The following MIA2 variants were observed in gnomAD, a reference collection of about 807,000 sequenced individuals.
The protein encoded by MIA2 is MIA SH3 domain ER export factor 2, also known as melanoma inhibitory activity protein 2.
In MIA2, 127 loss-of-function variants were observed where a neutral mutation model predicts 167.8. The ratio of observed to expected loss-of-function variants is 0.76; its 90% CI spans 0.66 to 0.88. The LOEUF (loss-of-function observed/expected upper bound fraction) is 0.88, where lower values mean the gene tolerates loss of function less well. MIA2 is among the 40% of genes least tolerant of loss of function. MIA2 has a pLI of 0.00. For missense variants in MIA2, 1,690 were observed against 1,624.7 expected (o/e 1.04, Z -0.69); for synonymous variants, 552 against 541.9 (o/e 1.02, Z -0.26).
chr14:39,348,992 A>G lies in MIA2; in HGVS notation c.4072+15A>G. The stretch of plus-strand genomic sequence containing the variant: ...TCCATTTGCAAGTATGCTTTTTTAA[A>G]CTTTTTTTTTAAAGCTCAATATGTG... On this transcript the variant is annotated intron_variant, in intron 28 of 28. Transcript: ENST00000640607. 6.2e-7 allele frequency: 1 copy of G among 1,605,550 alleles called. No individual in the cohort carries two copies. The highest frequency in any genetic ancestry group is 8.5e-7 in the Non-Finnish European group (1 of 1,172,818).
rs754585919 is a variant in MIA2, at chr14:39,300,017, G to T, written c.2619+31G>T. 8 of 1,574,956 alleles carry T rather than the reference G, an allele frequency of 5.1e-6. No homozygotes were observed. The African/African-American group carries it at 1.1e-4, about 22-fold the overall frequency. Reference sequence around the variant, plus strand: ...TGGCTCTACTGGTTTTAGTGATCAAGTTGGCTAGAATTTTACACTAACTCT... The same window carrying T: ...TGGCTCTACTGGTTTTAGTGATCAATTTGGCTAGAATTTTACACTAACTCT... On this transcript the variant is annotated intron_variant, in intron 14 of 28. Transcript: ENST00000640607.
At chr14:39,359,992 G>GTTTTTTTTTTTT (rs58076493) in intron 23 of MIA2, among the ~76,000 whole-genome samples, 10 of 128,816 alleles carry the variant, frequency 7.8e-5, no homozygotes, top group Admixed American at 8.1e-5. Flanking sequence ...TCTGCAGCAT[G>GTTTTTTTTTTTT]TTTTTTTTTT....
intron 9 of MIA2, among the ~76,000 whole-genome samples, chr14:39,289,699 C>A (rs1396655491): frequency 6.6e-6 from 1 of 152,074 alleles, no homozygotes. Flanking sequence ...CCCAGGCTGG[C>A]CTTGAACTCT....
chr14:39,387,013 G>T, exon 24 of MIA2: 1 of 746,492 alleles, frequency 1.3e-6, no homozygotes, highest in South Asian at 1.6e-5. Context: ...TGTTCAAGTG[G>T]AACAGAAGCC....
chr14:39,320,620 A>G (rs948796943), intron 23 of MIA2, among the ~76,000 whole-genome samples: 3 of 152,196 alleles, frequency 2.0e-5, no homozygotes, highest in East Asian at 1.9e-4. Context: ...TTATGCTCCT[A>G]TAACTCTAAG....
intron 21 of MIA2, among the ~76,000 whole-genome samples, 176 bp from the exon 22 acceptor site, chr14:39,317,768 G>A (rs745712594): frequency 6.6e-6 from 1 of 152,098 alleles, no homozygotes; most frequent in African/African-American, 2.4e-5. Flanking sequence ...TAGAAATTCT[G>A]ATCTTTCAGA....
At chr14:39,383,991 G>A (rs1595971264) in intron 23 of MIA2, among the ~76,000 whole-genome samples, 2 of 152,308 alleles carry the variant, frequency 1.3e-5, no homozygotes, top group South Asian at 2.1e-4. Context: ...TATCCAGAAC[G>A]TCTAGCTAAG....
intron 17 of MIA2, among the ~76,000 whole-genome samples, chr14:39,306,090 C>G (rs1278610197): frequency 6.6e-6 from 1 of 151,822 alleles, no homozygotes; most frequent in Non-Finnish European, 1.5e-5. Context: ...GGCTTAAAGC[C>G]TAGGTCAATG....
At chr14:39,311,462 GTTGCTTT>G (rs1320087383) in intron 18 of MIA2, among the ~76,000 whole-genome samples, 36 of 110,088 alleles carry the variant, frequency 3.3e-4, no homozygotes, top group South Asian at 1.2e-3. Context: ...AGCTTGATGT[GTTGCTTT>G]TTTTTTTTTT....
chr14:39,267,612 C>G lies in MIA2; in HGVS notation c.1888-9322C>G, dbSNP rs1003923861. On this transcript the variant is annotated intron_variant, in intron 6 of 28. Coordinates refer to ENST00000640607, the MANE Select transcript of MIA2 (RefSeq NM_001329214.4). ...CAGTAGACCGGCTTTGGGGTCTAAGCCGCCGTGGTCAGAGGTCCCGAAGCC... is the reference window on the plus strand; with the variant it reads ...CAGTAGACCGGCTTTGGGGTCTAAGGCGCCGTGGTCAGAGGTCCCGAAGCC... 1.0e-5 allele frequency: 15 copies of G among 1,475,304 alleles called. No individual in the cohort carries two copies. The Admixed American group carries it at 2.7e-4, about 26-fold the overall frequency. The allele number at this position is 1,475,304 out of a possible 1,614,324, so 91.4% of individuals were successfully genotyped here.
intron 9 of MIA2, among the ~76,000 whole-genome samples, chr14:39,290,497 A>G (rs953766929): frequency 8.5e-5 from 13 of 152,080 alleles, no homozygotes; most frequent in Non-Finnish European, 1.8e-4. Context: ...GTTGTTCCCT[A>G]CCTTTTAAAG....
chr14:39,267,543 T>G, intron 6 of MIA2: 1 of 1,611,542 alleles, frequency 6.2e-7, no homozygotes, highest in Non-Finnish European at 8.5e-7. Flanking sequence ...GCGCGATGAG[T>G]GTTACGTGGC....
chr14:39,336,146 T>C (rs1188290678), intron 25 of MIA2, among the ~76,000 whole-genome samples: 1 of 152,230 alleles, frequency 6.6e-6, no homozygotes, highest in African/African-American at 2.4e-5. Context: ...GGTCAAATGG[T>C]AGTTCTGTTT....
At chr14:39,382,523 T>C (rs541379601) in intron 23 of MIA2, among the ~76,000 whole-genome samples, 1 of 152,288 alleles carries the variant, frequency 6.6e-6, no homozygotes, top group Non-Finnish European at 1.5e-5. Flanking sequence ...AAAAGCAGGC[T>C]GGAGGGGAAA....
chr14:39,259,184 A>T (rs183520713), intron 6 of MIA2, among the ~76,000 whole-genome samples: 1 of 152,338 alleles, frequency 6.6e-6, no homozygotes, highest in Non-Finnish European at 1.5e-5. Flanking sequence ...AATCCACAGA[A>T]GCTCTGCCCA....
chr14:39,291,181 T>A, intron 10 of MIA2, 85 bp downstream of exon 10: 1 of 1,223,706 alleles, frequency 8.2e-7, no homozygotes, highest in Non-Finnish European at 1.1e-6. Flanking sequence ...TTCTGAAAAC[T>A]ATTTGAAAAA....
rs939727852 is a variant in MIA2, at chr14:39,377,529, T to A, written c.2249-9356T>A. On this transcript the variant is annotated intron_variant, in intron 23 of 23. Coordinates refer to the MIA2 transcript ENST00000341502. Reference sequence around the variant, plus strand: ...AGCCAGCAAAAATTTTAGAATTCAGTCCAAATTGTAGAAAATAATAAAAAT... The same window carrying A: ...AGCCAGCAAAAATTTTAGAATTCAGACCAAATTGTAGAAAATAATAAAAAT... Among the ~76,000 whole-genome samples the A allele has an allele frequency of 2.6e-5, 4 of 152,126 alleles. No homozygotes were observed. The East Asian group carries it at 5.8e-4, about 22-fold the overall frequency.
chr14:39,252,741 T>G lies in MIA2; in HGVS notation c.1568-7T>G, dbSNP rs2054637491. On this transcript the variant is annotated splice_polypyrimidine_tract_variant and splice_region_variant and intron_variant, in intron 4 of 28. Coordinates refer to ENST00000640607, the MANE Select transcript of MIA2 (RefSeq NM_001329214.4). Reference sequence around the variant, plus strand: ...GGAAAAACACATTTCTTTTTATTTATTTGTAGATATGGTCTCTAACATAGA... The same window carrying G: ...GGAAAAACACATTTCTTTTTATTTAGTTGTAGATATGGTCTCTAACATAGA... 1 of 1,585,844 alleles carries G rather than the reference T, an allele frequency of 6.3e-7. No homozygotes were observed. Among genetic ancestry groups the G allele is most frequent in the East Asian group, 2.2e-5 (1 of 44,632 alleles).
At chr14:39,361,679 A>T (rs1287426801) in intron 23 of MIA2, among the ~76,000 whole-genome samples, 1 of 152,092 alleles carries the variant, frequency 6.6e-6, no homozygotes, top group Non-Finnish European at 1.5e-5. Flanking sequence ...ACCTCAGGTG[A>T]TCCACCCGCC....
Sources: gnomAD v4.1 joint callset for allele counts (sites outside exome capture counted in the v4.1 genomes callset) on GRCh38, gnomAD v4.1.1 for gene constraint, MANE v1.5 for transcripts, NCBI Gene and HGNC (gene_info 2026-07-23, HGNC 2026-07-21) for gene names.